Variants in LIX1L observed in about 807,000 individuals in gnomAD.
LIX1L encodes the protein limb and CNS expressed 1 like, also known as LIX1-like protein.
Under a neutral mutation model 34.0 loss-of-function variants are expected in LIX1L, and 20 were observed. The ratio of observed to expected loss-of-function variants is 0.59; its 90% CI spans 0.41 to 0.85. The LOEUF (loss-of-function observed/expected upper bound fraction) is 0.85, where lower values mean the gene tolerates loss of function less well. LIX1L is among the 40% of genes least tolerant of loss of function. The pLI is 0.00. For synonymous variants in LIX1L, 170 were observed against 187.4 expected, an observed-to-expected ratio of 0.91 and a Z score of 0.76; for missense variants, 397 against 447.0, an observed-to-expected ratio of 0.89 and a Z score of 1.01.
At chr1:145,937,570 G>A (rs965308128) in intron 4 of LIX1L, 34 bp downstream of exon 4, 11 of 1,340,248 alleles carry the variant, frequency 8.2e-6, no homozygotes, top group African/African-American at 2.9e-5. Flanking sequence ...GCTGACCCAT[G>A]TTATTAGAAC....
chr1:145,937,440 T>C, intron 4 of LIX1L, 164 bp downstream of exon 4: 1 of 533,406 alleles, frequency 1.9e-6, no homozygotes, highest in Non-Finnish European at 3.4e-6. Context: ...ATTACAGGCC[T>C]GAGCCACCAT....
intron 3 of LIX1L, chr1:145,942,106 G>T (rs889458327): frequency 6.6e-6 from 1 of 151,640 alleles, no homozygotes; most frequent in African/African-American, 2.4e-5. Flanking sequence ...GGATGGTCTC[G>T]ATCTCCTAAC....
intron 3 of LIX1L, among the ~76,000 whole-genome samples, chr1:145,937,947 G>A (rs1257703148): frequency 6.6e-6 from 1 of 152,036 alleles, no homozygotes; most frequent in Non-Finnish European, 1.5e-5. Flanking sequence ...GGCCAACATG[G>A]TGAAACCGTG....
chr1:145,957,984 C>A lies in LIX1L; in HGVS notation c.-57G>T. ...CTGCCAGCCTGCCGAGCTAACGGTCCCAACCACCCCAGTCAGCTAGCGCCT... is the reference window on the plus strand; with the variant it reads ...CTGCCAGCCTGCCGAGCTAACGGTCACAACCACCCCAGTCAGCTAGCGCCT... On this transcript the variant is annotated 5_prime_UTR_variant, in exon 1 of 6. Coordinates refer to ENST00000604000, the MANE Select transcript of LIX1L (RefSeq NM_153713.3). 8.1e-7 allele frequency: 1 copy of A among 1,239,602 alleles called. No individual in the cohort carries two copies. 76.8% of individuals were successfully genotyped at this position (1,239,602 alleles called of 1,614,324 possible). A position where few individuals can be genotyped will look rare whatever the true frequency, so the allele number is the denominator to read the frequency against.
chr1:145,939,351 G>A (rs1319674512), intron 3 of LIX1L, among the ~76,000 whole-genome samples: 3 of 150,566 alleles, frequency 2.0e-5, no homozygotes, highest in East Asian at 1.9e-4. Flanking sequence ...TGTCGCCCAG[G>A]CTGGAGTGCA....
chr1:145,942,321 G>C (rs1553758762), intron 3 of LIX1L: 1 of 158,998 alleles, frequency 6.3e-6, no homozygotes, highest in Non-Finnish European at 1.4e-5. Context: ...AATGGAGGCA[G>C]GAGACAAGTG....
chr1:145,945,842 C>T (rs1365867471), intron 2 of LIX1L, among the ~76,000 whole-genome samples: 1 of 148,620 alleles, frequency 6.7e-6, no homozygotes, highest in Admixed American at 6.8e-5. Flanking sequence ...AATCCCAGCA[C>T]TTTGGGAGGC....
At chr1:145,940,034 T>C (rs950264116) in intron 3 of LIX1L, 2 of 152,192 alleles carry the variant, frequency 1.3e-5, no homozygotes, top group Admixed American at 6.6e-5. Flanking sequence ...TAGCACAATC[T>C]CGGCTCACTG....
chr1:145,946,246 T>C (rs1649103440), intron 2 of LIX1L, among the ~76,000 whole-genome samples: 1 of 150,342 alleles, frequency 6.7e-6, no homozygotes, highest in South Asian at 2.1e-4. Flanking sequence ...TTGCCCAGGC[T>C]AGAGTGCCGT....
chr1:145,940,104 T>TA (rs1248547270), intron 3 of LIX1L: 2 of 152,154 alleles, frequency 1.3e-5, no homozygotes, highest in Non-Finnish European at 2.9e-5. Context: ...TAGCTGGAAT[T>TA]ACAGGCGCCC....
At chr1:145,947,832 G>A (rs373725467) in intron 1 of LIX1L, 50 bp from the exon 2 acceptor site, 53 of 1,556,244 alleles carry the variant, frequency 3.4e-5, no homozygotes, top group South Asian at 3.3e-4. Context: ...ACACCTCCAC[G>A]TGGTGCTATA....
chr1:145,947,996 A>G (rs587616223), intron 1 of LIX1L, among the ~76,000 whole-genome samples: 62 of 152,036 alleles, frequency 4.1e-4, no homozygotes, highest in African/African-American at 1.4e-3. Context: ...CTCCTCCACC[A>G]CTTTTCTGGT....
intron 1 of LIX1L, among the ~76,000 whole-genome samples, chr1:145,954,937 ATGTT>A (rs1278160322): frequency 2.0e-5 from 3 of 152,200 alleles, no homozygotes; most frequent in South Asian, 2.1e-4. Flanking sequence ...TTTAGAAACA[ATGTT>A]TGTTTGGCTC....
intron 1 of LIX1L, among the ~76,000 whole-genome samples, chr1:145,953,962 G>A (rs782748887): frequency 3.3e-5 from 5 of 151,944 alleles, no homozygotes; most frequent in Non-Finnish European, 7.4e-5. Context: ...AGGCTGAGGC[G>A]GGTGGGAGGA....
chr1:145,945,806 G>C (rs1553759168), intron 2 of LIX1L, among the ~76,000 whole-genome samples: 1 of 148,348 alleles, frequency 6.7e-6, no homozygotes, highest in African/African-American at 2.5e-5. Flanking sequence ...TGAAAGCACA[G>C]GCTGGGCGCA....
In LIX1L at chr1:145,957,906, G is replaced by T. The variant is rs1553760686; in HGVS notation, c.22C>A (p.Arg8=). 2 of 1,488,502 alleles carry T rather than the reference G, an allele frequency of 1.3e-6. No individual in the cohort carries two copies. The highest frequency in any genetic ancestry group is 2.9e-5 in the East Asian group (1 of 34,740). 92.2% of individuals were successfully genotyped at this position (1,488,502 alleles called of 1,614,324 possible). The change falls in exon 1 of 6, where the codon CGG becomes AGG. Residue 8 remains arginine (R), a synonymous_variant. Transcript: ENST00000604000. ...CTGGTGCCCACACCAGGCTGCAGCC[G>T]CTGCGCTCGCATAGTCTCCATCCCG... is the stretch of plus-strand genomic sequence containing the variant. METMRAQ[R]LQPGVGTSGR...
Position 145,937,190 on chromosome 1 carries a change from A to AC in LIX1L, c.694-206_694-205insG, listed in dbSNP as rs1559237550. On this transcript the variant is annotated intron_variant, in intron 4 of 5. Transcript: ENST00000604000. ...TATTTATTTACTTACTTACTTACTTATTTGAGACAGAGTCTTGCTCTGTCA... is the reference window on the plus strand; with the variant it reads ...TATTTATTTACTTACTTACTTACTTACTTTGAGACAGAGTCTTGCTCTGTCA... 1.2e-4 allele frequency among the ~76,000 whole-genome samples: 18 copies of AC among 150,978 alleles called. No individual in the cohort carries two copies. In the South Asian group the frequency reaches 1.3e-3, roughly 11 times the overall value.
chr1:145,939,345 G>A (rs1429914131), intron 3 of LIX1L, among the ~76,000 whole-genome samples: 13 of 145,958 alleles, frequency 8.9e-5, no homozygotes, highest in East Asian at 2.0e-4. Flanking sequence ...TTACTCTGTC[G>A]CCCAGGCTGG....
intron 2 of LIX1L, chr1:145,947,374 A>T: frequency 2.2e-6 from 1 of 457,972 alleles, no homozygotes; most frequent in East Asian, 3.3e-5. Context: ...AGTCGGATAT[A>T]CTGAGCAAGG....
Sources: allele counts gnomAD v4.1 joint callset (sites outside exome capture counted in the v4.1 genomes callset), GRCh38; gene constraint gnomAD v4.1.1; transcripts MANE v1.5; gene names NCBI Gene and HGNC (gene_info 2026-07-23, HGNC 2026-07-21).